ADAMTS10: variants seen among roughly 807,000 people sequenced by gnomAD.
ADAMTS10 encodes ADAM metallopeptidase with thrombospondin type 1 motif 10.
Under a neutral mutation model 135.9 loss-of-function variants are expected in ADAMTS10, and 48 were observed. That is an observed-to-expected ratio of 0.35 (90% confidence interval 0.28 to 0.45). ADAMTS10 has a LOEUF of 0.45. ADAMTS10 is among the 20% of genes least tolerant of loss of function. ADAMTS10 has a pLI of 1.00. For synonymous variants in ADAMTS10, 621 were observed against 647.5 expected, an observed-to-expected ratio of 0.96 and a Z score of 0.62; for missense variants, 1,131 against 1,565.2, an observed-to-expected ratio of 0.72 and a Z score of 4.68.
At position 8,596,074 on chromosome 19, in the gene ADAMTS10, C is replaced by T. The variant is rs781960665; in HGVS notation, c.1336G>A (p.Asp446Asn). 3 of 1,614,088 alleles carry T rather than the reference C, an allele frequency of 1.9e-6. No homozygotes were observed. The highest frequency in any genetic ancestry group is 2.2e-5 in the East Asian group (1 of 44,896). ...CSRDYITSFL[D>N]SGLGLCLNNR... ...AGGGACACCCAGGTGCATCCTCACT[C>T]TAGAAAGCTGGTGATGTAGTCACGG... Residue 446 changes from aspartate to asparagine, a missense_variant and splice_region_variant, in exon 11 of 26, where the codon GAC (aspartate) becomes AAC (asparagine). Transcript: ENST00000597188. The surrounding 1 kb of genome is among the most constrained non-coding windows in gnomAD (Gnocchi z 7.2).
In ADAMTS10 at chr19:8,596,056, C is replaced by T. The variant is rs2146080230; in HGVS notation, c.1337+17G>A. 4 of 1,614,150 alleles carry T rather than the reference C, an allele frequency of 2.5e-6. No homozygotes were observed. Among genetic ancestry groups the T allele is most frequent in the Non-Finnish European group, 3.4e-6 (4 of 1,179,998 alleles). ...TGAGTGTGACCCGCTCTGAGGGACA[C>T]CCAGGTGCATCCTCACTCTAGAAAG... On this transcript the variant is annotated intron_variant, in intron 11 of 25. Coordinates refer to ENST00000597188, the MANE Select transcript of ADAMTS10 (RefSeq NM_030957.4). The surrounding 1 kb of genome is among the most constrained non-coding windows in gnomAD (Gnocchi z 7.2).
chr19:8,600,895 G>C, intron 6 of ADAMTS10, 33 bp downstream of exon 6: 2 of 1,613,082 alleles, frequency 1.2e-6, no homozygotes, highest in Non-Finnish European at 1.7e-6. Context: ...CAAGTCCTCA[G>C]GGCTGCGTGC....
Position 8,601,155 on chromosome 19 carries a change from C to A in ADAMTS10, c.593-10G>T. ...TTCCACGGTTTCTCATCTGGGGAAC[C>A]CAGTAGAGCAATTAAGCCCTGCCCT... On this transcript the variant is annotated splice_polypyrimidine_tract_variant and intron_variant, in intron 5 of 25. Coordinates refer to ENST00000597188, the MANE Select transcript of ADAMTS10 (RefSeq NM_030957.4). This position sits in a 1 kb window ranked among gnomAD's most constrained non-coding sequence, Gnocchi z 4.6. The A allele has an allele frequency of 6.2e-7, 1 of 1,612,304 alleles. No individual in the cohort carries two copies. Among genetic ancestry groups the A allele is most frequent in the Non-Finnish European group, 8.5e-7 (1 of 1,179,982 alleles).
chr19:8,599,207 T>C (rs782381152), intron 6 of ADAMTS10, among the ~76,000 whole-genome samples: 11 of 151,980 alleles, frequency 7.2e-5, no homozygotes, highest in Non-Finnish European at 1.2e-4. Flanking sequence ...TGAAGGTGGG[T>C]TGGGGAGGTC....
intron 25 of ADAMTS10, among the ~76,000 whole-genome samples, chr19:8,582,245 G>A (rs1276242947): frequency 6.6e-6 from 1 of 151,988 alleles, no homozygotes; most frequent in Non-Finnish European, 1.5e-5. Flanking sequence ...TGAGTCGGGC[G>A]GATCATGAGG....
intron 1 of ADAMTS10, among the ~76,000 whole-genome samples, chr19:8,610,136 C>A (rs147121441): frequency 6.6e-6 from 1 of 151,920 alleles, no homozygotes; most frequent in East Asian, 1.9e-4. Flanking sequence ...TTTGCATGCT[C>A]ACACCAAACC....
intron 2 of ADAMTS10, among the ~76,000 whole-genome samples, chr19:8,606,473 C>G (rs1198309535): frequency 6.6e-6 from 1 of 152,182 alleles, no homozygotes. Flanking sequence ...GCAATCGCGG[C>G]TCACTGCAAC....
chr19:8,607,947 A>G (rs2042739119), intron 2 of ADAMTS10, among the ~76,000 whole-genome samples, 187 bp downstream of exon 2: 1 of 151,184 alleles, frequency 6.6e-6, no homozygotes, highest in African/African-American at 2.4e-5. Context: ...AGTAGCTGGG[A>G]CTACAGGTGT....
In ADAMTS10 at chr19:8,596,262, G is replaced by A. The variant is rs782254266; in HGVS notation, c.1191-43C>T. On this transcript the variant is annotated intron_variant, in intron 10 of 25. Coordinates refer to ENST00000597188, the MANE Select transcript of ADAMTS10 (RefSeq NM_030957.4). The surrounding 1 kb of genome is among the most constrained non-coding windows in gnomAD (Gnocchi z 7.2). ...GGCTCTGCCGGGCGCTGAGGGACCCGCCCAGCTCCTCCCCTCCTCCCCCTC... is the reference window on the plus strand; with the variant it reads ...GGCTCTGCCGGGCGCTGAGGGACCCACCCAGCTCCTCCCCTCCTCCCCCTC... The A allele has an allele frequency of 1.7e-5, 27 of 1,612,496 alleles. No homozygotes were observed. Among genetic ancestry groups the A allele is most frequent in the African/African-American group, 2.7e-5 (2 of 74,928 alleles).
At chr19:8,595,690 G>A (rs1336566302) in intron 12 of ADAMTS10, 72 bp downstream of exon 12, 2 of 1,357,984 alleles carry the variant, frequency 1.5e-6, no homozygotes, top group African/African-American at 2.9e-5. Flanking sequence ...TGGGTGCCCT[G>A]GTGGAGTTCC....
chr19:8,591,545 G>T (rs561588062), intron 15 of ADAMTS10, among the ~76,000 whole-genome samples: 2 of 151,434 alleles, frequency 1.3e-5, no homozygotes, highest in East Asian at 3.9e-4. Flanking sequence ...GGGTTCAAGC[G>T]ATTCTCCTGC....
intron 18 of ADAMTS10, 70 bp downstream of exon 18, chr19:8,589,172 C>G: frequency 6.2e-7 from 1 of 1,605,242 alleles, no homozygotes; most frequent in Non-Finnish European, 8.5e-7. Flanking sequence ...AGCTACTGCA[C>G]TGGGATCAGT....
intron 5 of ADAMTS10, among the ~76,000 whole-genome samples, chr19:8,602,209 T>C (rs556916005): frequency 6.6e-6 from 1 of 152,218 alleles, no homozygotes; most frequent in Non-Finnish European, 1.5e-5. Context: ...ACCTTTTTTC[T>C]GTCTGTACTG....
intron 1 of ADAMTS10, among the ~76,000 whole-genome samples, chr19:8,609,836 T>A (rs1199992579): frequency 2.6e-5 from 4 of 151,044 alleles, no homozygotes; most frequent in African/African-American, 9.8e-5. Flanking sequence ...GCTCGGGCAC[T>A]GTAGACCCAC....
At chr19:8,606,165 A>G (rs1053028977) in intron 2 of ADAMTS10, among the ~76,000 whole-genome samples, 2 of 152,038 alleles carry the variant, frequency 1.3e-5, no homozygotes, top group East Asian at 3.9e-4. Context: ...GGCTCAAATA[A>G]TCCTCCTGCT....
rs1397655930 is a variant in ADAMTS10 at position 8,589,914 on chromosome 19, G to A, written c.1875C>T (p.Phe625=). ...EFDSIPFRGK[F]YKWKTYRGGG... ...CTCCCCGGTACGTTTTCCACTTGTAGAATTTCCCACGGAAAGGGATGCTGT... is the reference window on the plus strand; with the variant it reads ...CTCCCCGGTACGTTTTCCACTTGTAAAATTTCCCACGGAAAGGGATGCTGT... Residue 625 remains phenylalanine (F), a synonymous_variant, in exon 16 of 26, where the codon TTC becomes TTT. Coordinates refer to ENST00000597188, the MANE Select transcript of ADAMTS10 (RefSeq NM_030957.4). 2 of 1,614,088 alleles carry A rather than the reference G, an allele frequency of 1.2e-6. No individual in the cohort carries two copies. The highest frequency in any genetic ancestry group is 1.7e-6 in the Non-Finnish European group (2 of 1,180,020).
chr19:8,595,642 C>T (rs1365029830), intron 12 of ADAMTS10, 120 bp downstream of exon 12: 9 of 1,491,318 alleles, frequency 6.0e-6, no homozygotes, highest in South Asian at 2.3e-5. Flanking sequence ...GCTCACCTCA[C>T]CCCCCTTCCC....
chr19:8,606,609 G>A (rs1204308889), intron 2 of ADAMTS10, among the ~76,000 whole-genome samples: 1 of 152,044 alleles, frequency 6.6e-6, no homozygotes, highest in East Asian at 1.9e-4. Context: ...CACCATGTTG[G>A]CCAGGCTGGT....
intron 1 of ADAMTS10, among the ~76,000 whole-genome samples, chr19:8,610,189 C>A (rs1203873689): frequency 2.0e-5 from 3 of 151,902 alleles, no homozygotes; most frequent in Non-Finnish European, 2.9e-5. Flanking sequence ...CACCCCCCCA[C>A]ACCAGACACA....
Sources: gnomAD v4.1 joint callset for allele counts (sites outside exome capture counted in the v4.1 genomes callset) on GRCh38, gnomAD v4.1.1 for gene constraint, Gnocchi (gnomAD v3.1) non-coding constraint, MANE v1.5 for transcripts, NCBI Gene and HGNC (gene_info 2026-07-23, HGNC 2026-07-21) for gene names.